The following FBXW7 variants were observed in gnomAD, a reference collection of about 807,000 sequenced individuals.
The protein encoded by FBXW7 is F-box and WD repeat domain containing 7.
In FBXW7, 11 loss-of-function variants were observed where a neutral mutation model predicts 86.3. The observed-to-expected ratio is 0.13, with a 90% CI of 0.08 to 0.21. The LOEUF (loss-of-function observed/expected upper bound fraction) is 0.21. Among genes scored for constraint, FBXW7 ranks in the 10% least tolerant of loss-of-function variants. The pLI is 1.00. For synonymous variants in FBXW7, 313 were observed against 297.9 expected (o/e 1.05, Z -0.52); for missense variants, 488 against 847.4 (o/e 0.58, Z 5.27).
intron 2 of FBXW7, among the ~76,000 whole-genome samples, chr4:152,499,882 C>T (rs901298778): frequency 4.6e-5 from 7 of 152,024 alleles, no homozygotes; most frequent in Admixed American, 1.3e-4. Context: ...CTATTTTAGA[C>T]GTAGGGATCC....
At chr4:152,533,507 A>G (rs1750194622) in intron 2 of FBXW7, among the ~76,000 whole-genome samples, 1 of 152,242 alleles carries the variant, frequency 6.6e-6, no homozygotes, top group African/African-American at 2.4e-5. Flanking sequence ...TTACCAAAGC[A>G]TAACAAGGCA....
At position 152,536,004 on chromosome 4, in the gene FBXW7, G is replaced by GGCGGCGGCGGCA. The variant is rs1014042365; in HGVS notation, c.-1102_-1091dup. On this transcript the variant is annotated 5_prime_UTR_variant, in exon 1 of 14. Transcript: ENST00000281708. ...CTCCTTCGCTCTCAGTCTCAGCGGCGGCGGCGGCGGCAGCGGCAGCGGCAG... is the reference window on the plus strand; with the variant it reads ...CTCCTTCGCTCTCAGTCTCAGCGGCGGCGGCGGCGGCAGCGGCGGCGGCAGCGGCAGCGGCAG... 27 of 223,616 alleles carry GGCGGCGGCGGCA rather than the reference G, an allele frequency of 1.2e-4. No individual in the cohort carries two copies. The East Asian group carries it at 1.6e-3, about 13-fold the overall frequency. The allele number at this position is 223,616 out of a possible 1,614,324, so 13.9% of individuals were successfully genotyped here.
chr4:152,522,187 A>G (rs1344926780), intron 2 of FBXW7, among the ~76,000 whole-genome samples: 1 of 152,182 alleles, frequency 6.6e-6, no homozygotes, highest in Non-Finnish European at 1.5e-5. Flanking sequence ...TGACTTTATG[A>G]ATACACACTA....
At chr4:152,454,600 C>T (rs1191583833) in intron 2 of FBXW7, among the ~76,000 whole-genome samples, 1 of 151,852 alleles carries the variant, frequency 6.6e-6, no homozygotes, top group Non-Finnish European at 1.5e-5. Context: ...TCTGAAAGGA[C>T]AGAAGAGGGA....
At chr4:152,520,289 C>T (rs1024531855) in intron 2 of FBXW7, among the ~76,000 whole-genome samples, 2 of 151,464 alleles carry the variant, frequency 1.3e-5, no homozygotes, top group Admixed American at 6.6e-5. Context: ...AAAAATTAGC[C>T]GGGCGCGGTG....
chr4:152,331,673 A>G, intron 8 of FBXW7, among the ~76,000 whole-genome samples: 1 of 152,092 alleles, frequency 6.6e-6, no homozygotes, highest in Non-Finnish European at 1.5e-5. Flanking sequence ...TTGCAAAACA[A>G]TGTGAATGTA....
rs1437481648 is a variant in FBXW7 at position 152,337,922 on chromosome 4, T to C, written c.741A>G (p.Pro247=). The C allele has an allele frequency of 1.9e-6, 3 of 1,611,442 alleles. No homozygotes were observed. Among genetic ancestry groups the C allele is most frequent in the Non-Finnish European group, 2.5e-6 (3 of 1,178,934 alleles). Residue 247 remains proline, a synonymous_variant, in exon 7 of 14, where the codon CCA becomes CCG. Coordinates refer to ENST00000281708, the MANE Select transcript of FBXW7 (RefSeq NM_001349798.2). ...GTTCATCTAAAGCAAGCAATTTCTCTGGTCCACTCCAGCTCTATCAAAGAG... is the reference window on the plus strand; with the variant it reads ...GTTCATCTAAAGCAAGCAATTTCTCCGGTCCACTCCAGCTCTATCAAAGAG... ...WLKMFQSWSG[P]EKLLALDELI...
intron 2 of FBXW7, among the ~76,000 whole-genome samples, chr4:152,502,894 TC>T (rs1673725985): frequency 6.6e-6 from 1 of 152,154 alleles, no homozygotes; most frequent in Non-Finnish European, 1.5e-5. Context: ...TGCTCTACAA[TC>T]AGAAGAAAAG....
chr4:152,434,213 A>G (rs903002905), intron 2 of FBXW7, among the ~76,000 whole-genome samples: 1 of 152,192 alleles, frequency 6.6e-6, no homozygotes, highest in African/African-American at 2.4e-5. Flanking sequence ...CGGACAGCTG[A>G]GTTTCACTTC....
chr4:152,423,696 CAT>C (rs1739140126), intron 2 of FBXW7, among the ~76,000 whole-genome samples: 1 of 152,188 alleles, frequency 6.6e-6, no homozygotes, highest in East Asian at 1.9e-4. Context: ...ATTTTACAGA[CAT>C]AATGCTAAGC....
intron 2 of FBXW7, among the ~76,000 whole-genome samples, chr4:152,512,612 G>A (rs1037521554): frequency 1.3e-5 from 2 of 152,074 alleles, no homozygotes; most frequent in African/African-American, 2.4e-5. Context: ...TGAAAACATC[G>A]TGTTACGTGA....
chr4:152,349,877 C>T (rs183903987), intron 5 of FBXW7, among the ~76,000 whole-genome samples, 165 bp downstream of exon 5: 1 of 151,788 alleles, frequency 6.6e-6, no homozygotes, highest in Admixed American at 6.6e-5. Flanking sequence ...GGTGGCATTC[C>T]TCTTATTTAA....
intron 2 of FBXW7, among the ~76,000 whole-genome samples, chr4:152,426,652 C>A (rs1739413660): frequency 6.6e-6 from 1 of 152,140 alleles, no homozygotes; most frequent in Admixed American, 6.5e-5. Context: ...GGGATCCCCC[C>A]AAATAACCGG....
intron 2 of FBXW7, among the ~76,000 whole-genome samples, chr4:152,492,541 G>A (rs545910345): frequency 1.7e-3 from 264 of 152,108 alleles, no homozygotes; most frequent in Non-Finnish European, 2.9e-3. Flanking sequence ...ATTTGTAGTT[G>A]ACAGTCTTTT....
At chr4:152,404,692 C>T (rs1211443955) in intron 4 of FBXW7, among the ~76,000 whole-genome samples, 7 of 152,166 alleles carry the variant, frequency 4.6e-5, no homozygotes, top group Non-Finnish European at 1.0e-4. Context: ...CTCCTCAGGG[C>T]AGTCTCAATT....
intron 4 of FBXW7, among the ~76,000 whole-genome samples, chr4:152,405,422 G>A (rs930523624): frequency 5.3e-5 from 8 of 152,118 alleles, no homozygotes. Context: ...AAAACAAGTA[G>A]AGAGGAGAGG....
In FBXW7 at chr4:152,350,085, A is replaced by C. The variant is rs774108258; in HGVS notation, c.541T>G (p.Phe181Val). The change falls in exon 5 of 14, where the codon TTT (phenylalanine) becomes GTT (valine). Residue 181 changes from phenylalanine to valine, a missense_variant. Around this residue, in one of 4 missense-constraint regions of FBXW7, gnomAD observed 230 missense variants for 240.0 expected, o/e 0.96. Coordinates refer to ENST00000281708, the MANE Select transcript of FBXW7 (RefSeq NM_001349798.2). The stretch of plus-strand genomic sequence containing the variant: ...TTGCATGGTTTCTTTCCCAAAGAAA[A>C]AGAGCGGACCTCAGAACCATGGTCC... ...KLDHGSEVRS[F>V]SLGKKPCKVS... The C allele has an allele frequency of 1.3e-6, 2 of 1,568,866 alleles. No homozygotes were observed. The highest frequency in any genetic ancestry group is 1.7e-6 in the Non-Finnish European group (2 of 1,152,990).
intron 2 of FBXW7, among the ~76,000 whole-genome samples, chr4:152,509,019 T>C (rs1188148993): frequency 6.6e-6 from 1 of 152,100 alleles, no homozygotes; most frequent in African/African-American, 2.4e-5. Flanking sequence ...CAAACACAAA[T>C]TGTGCAATAT....
At chr4:152,402,486 TC>T (rs1737036291) in intron 4 of FBXW7, among the ~76,000 whole-genome samples, 1 of 152,170 alleles carries the variant, frequency 6.6e-6, no homozygotes, top group South Asian at 2.1e-4. Flanking sequence ...ATAGGTTATT[TC>T]ATCACAGCCC....
Sources: allele counts gnomAD v4.1 joint callset (sites outside exome capture counted in the v4.1 genomes callset), GRCh38; gene constraint gnomAD v4.1.1; regional missense constraint gnomAD v4.1.1; transcripts MANE v1.5; gene names NCBI Gene and HGNC (gene_info 2026-07-23, HGNC 2026-07-21).